ZNF143: variants seen among roughly 807,000 people sequenced by gnomAD.
The protein encoded by ZNF143 is zinc finger protein 143, also known as SPH-binding factor.
Under a neutral mutation model 74.1 loss-of-function variants are expected in ZNF143, and 49 were observed. The ratio of observed to expected loss-of-function variants is 0.66; its 90% CI spans 0.53 to 0.84. The LOEUF (loss-of-function observed/expected upper bound fraction) is 0.84. Ranked by LOEUF, ZNF143 falls within the 40% of genes least tolerant of loss-of-function variation. The pLI is 0.00. For synonymous variants in ZNF143, 304 were observed against 282.8 expected (o/e 1.07, Z -0.75); for missense variants, 637 against 793.4 (o/e 0.80, Z 2.37).
rs113685763 is a variant in ZNF143, at chr11:9,520,773, C to T, written c.1686+4411C>T. 3.6e-3 allele frequency among the ~76,000 whole-genome samples: 549 copies of T among 152,182 alleles called. 2 individuals carry two copies. Among genetic ancestry groups the T allele is most frequent in the Middle Eastern group, 0.02 (6 of 294 alleles). Reference sequence around the variant, plus strand: ...CATTGCACTCCAGCCTGAGTGACAGCGAGACTCCGTCTCAAAAAAATAAAA... The same window carrying T: ...CATTGCACTCCAGCCTGAGTGACAGTGAGACTCCGTCTCAAAAAAATAAAA... On this transcript the variant is annotated intron_variant, in intron 14 of 15. Transcript: ENST00000396602.
rs1554964372 is a variant in ZNF143 at position 9,486,363 on chromosome 11, T to TTATATATATAA, written c.645+6825_645+6826insTAATATATATA. Among the ~76,000 whole-genome samples, 271 of 41,198 alleles carry TTATATATATAA rather than the reference T, an allele frequency of 6.6e-3. 5 individuals are homozygous for TTATATATATAA. The highest frequency in any genetic ancestry group is 0.014 in the South Asian group (26 of 1,824). 27.0% of individuals were successfully genotyped at this position (41,198 alleles called of 152,430 possible). On this transcript the variant is annotated intron_variant, in intron 7 of 15. Coordinates refer to ENST00000396602, the MANE Select transcript of ZNF143 (RefSeq NM_003442.6). ...ATATTATATATATATTATATATATA[T>TTATATATATAA]TATATATAATATATTATATATATAA...
chr11:9,492,812 T>C (rs1169611662), intron 7 of ZNF143, among the ~76,000 whole-genome samples: 1 of 152,076 alleles, frequency 6.6e-6, no homozygotes, highest in Non-Finnish European at 1.5e-5. Context: ...GATAGACTAA[T>C]AGGGAAGAAA....
chr11:9,480,855 C>T (rs1847206722), intron 7 of ZNF143, among the ~76,000 whole-genome samples: 1 of 151,048 alleles, frequency 6.6e-6, no homozygotes, highest in Non-Finnish European at 1.5e-5. Flanking sequence ...CTGTTGCACT[C>T]CAGCCTGGGC....
At chr11:9,477,970 C>T (rs574254883) in intron 5 of ZNF143, among the ~76,000 whole-genome samples, 24 of 152,174 alleles carry the variant, frequency 1.6e-4, no homozygotes, top group Non-Finnish European at 2.5e-4. Flanking sequence ...GGAATACAGG[C>T]GCGTGCCACC....
intron 8 of ZNF143, 98 bp downstream of exon 8, chr11:9,494,863 C>A: frequency 7.7e-7 from 1 of 1,293,388 alleles, no homozygotes; most frequent in Non-Finnish European, 1.1e-6. Context: ...ACTGTTTTCT[C>A]CCAGTTATCA....
chr11:9,469,131 C>G (rs1195304163), intron 1 of ZNF143, among the ~76,000 whole-genome samples: 1 of 111,678 alleles, frequency 9.0e-6, no homozygotes, highest in Non-Finnish European at 1.8e-5. Context: ...GATGCCATCT[C>G]AAAAAAAAAA....
At chr11:9,512,388 T>C (rs1401070436) in intron 12 of ZNF143, 60 bp from the exon 13 acceptor site, 9 of 1,563,260 alleles carry the variant, frequency 5.8e-6, no homozygotes, top group Non-Finnish European at 7.8e-6. Flanking sequence ...ATTTAAAATG[T>C]CCTATTTTCT....
intron 14 of ZNF143, among the ~76,000 whole-genome samples, chr11:9,523,455 C>T (rs570576085): frequency 6.6e-6 from 1 of 152,184 alleles, no homozygotes; most frequent in African/African-American, 2.4e-5. Context: ...GATTTGAGGC[C>T]GGGCGCGGTG....
chr11:9,496,455 C>G (rs919713968), intron 9 of ZNF143, 77 bp downstream of exon 9: 11 of 1,236,058 alleles, frequency 8.9e-6, no homozygotes, highest in Non-Finnish European at 1.2e-5. Context: ...AGGAACTGAC[C>G]CCTTGGCTGT....
At chr11:9,520,019 C>G (rs867371995) in intron 14 of ZNF143, among the ~76,000 whole-genome samples, 10 of 146,338 alleles carry the variant, frequency 6.8e-5, no homozygotes, top group Non-Finnish European at 1.2e-4. Context: ...GACACTGTTT[C>G]CACCAATTTT....
chr11:9,485,049 G>A (rs970496273), intron 7 of ZNF143, among the ~76,000 whole-genome samples: 1 of 145,690 alleles, frequency 6.9e-6, no homozygotes, highest in Non-Finnish European at 1.5e-5. Flanking sequence ...TGCCTGCCTC[G>A]GCCTTCCAAA....
At chr11:9,467,243 T>G (rs907048675) in intron 1 of ZNF143, among the ~76,000 whole-genome samples, 3 of 150,820 alleles carry the variant, frequency 2.0e-5, no homozygotes, top group South Asian at 2.1e-4. Flanking sequence ...AAGTGTTTTT[T>G]TTTTTTTTTT....
chr11:9,513,823 A>G (rs1226247674), intron 13 of ZNF143, among the ~76,000 whole-genome samples: 3 of 152,226 alleles, frequency 2.0e-5, no homozygotes, highest in African/African-American at 7.2e-5. Flanking sequence ...TGCACCCAGG[A>G]GGCGGGGTAA....
chr11:9,474,258 A>G (rs1856754511), intron 4 of ZNF143, among the ~76,000 whole-genome samples: 1 of 152,148 alleles, frequency 6.6e-6, no homozygotes, highest in Non-Finnish European at 1.5e-5. Flanking sequence ...TCCTGAGTGA[A>G]TGTTTCTGTT....
At position 9,507,764 on chromosome 11, in the gene ZNF143, A is replaced by G. The variant is rs146819457; in HGVS notation, c.1148-855A>G. ...TAAGTAATTATTATTAATTTTGTTT[A>G]CATATTTTTTAAACTGGGACCCATC... On this transcript the variant is annotated intron_variant, in intron 11 of 15. Transcript: ENST00000396602. Among the ~76,000 whole-genome samples the G allele has an allele frequency of 5.3e-3, 807 of 152,314 alleles. 5 individuals are homozygous for G. The highest frequency in any genetic ancestry group is 7.0e-3 in the Non-Finnish European group (474 of 68,018).
At chr11:9,509,430 G>A (rs1848466086) in intron 12 of ZNF143, among the ~76,000 whole-genome samples, 1 of 152,170 alleles carries the variant, frequency 6.6e-6, no homozygotes, top group African/African-American at 2.4e-5. Flanking sequence ...ATTTGTTTCA[G>A]TAAACCCTTG....
chr11:9,495,923 G>A (rs546054202), intron 8 of ZNF143, among the ~76,000 whole-genome samples: 1 of 152,174 alleles, frequency 6.6e-6, no homozygotes, highest in South Asian at 2.1e-4. Context: ...GGCAGTGGTG[G>A]ATCCTTGCCT....
intron 12 of ZNF143, 104 bp downstream of exon 12, chr11:9,508,950 G>T (rs77896631): frequency 8.5e-7 from 1 of 1,176,500 alleles, no homozygotes; most frequent in Non-Finnish European, 1.2e-6. Flanking sequence ...TGTGTCATTC[G>T]TATAATCACA....
In ZNF143 at chr11:9,483,191, G is replaced by A. The variant is rs536590465; in HGVS notation, c.645+3645G>A. ...GTATTTTTAGTAGAGATGAGGTTTC[G>A]TCATGTTGACCAGGTTGGTCTCGAA... is the stretch of plus-strand genomic sequence containing the variant. On this transcript the variant is annotated intron_variant, in intron 7 of 15. Transcript: ENST00000396602. 4.1e-5 allele frequency among the ~76,000 whole-genome samples: 6 copies of A among 147,152 alleles called. No individual in the cohort carries two copies. In the South Asian group the frequency reaches 6.4e-4, roughly 16 times the overall value.
Sources: gnomAD v4.1 joint callset for allele counts (sites outside exome capture counted in the v4.1 genomes callset) on GRCh38, gnomAD v4.1.1 for gene constraint, MANE v1.5 for transcripts, NCBI Gene and HGNC (gene_info 2026-07-23, HGNC 2026-07-21) for gene names.